The following ERICH2 variants were observed in gnomAD, a reference collection of about 807,000 sequenced individuals.
ERICH2 encodes glutamate rich 2.
In ERICH2, 17 loss-of-function variants were observed where a neutral mutation model predicts 17.4. That is an observed-to-expected ratio of 0.98 (90% CI 0.67 to 1.47). The LOEUF (loss-of-function observed/expected upper bound fraction) is 1.47, where lower values mean the gene tolerates loss of function less well. ERICH2 is among the 40% of genes most tolerant of loss of function. The probability of loss-of-function intolerance (pLI) is 0.00; values close to 1 mark genes in which losing one functional copy is unlikely to be tolerated. For missense variants in ERICH2, 186 were observed against 183.2 expected, an observed-to-expected ratio of 1.01 and a Z score of -0.09; for synonymous variants, 51 against 61.1, an observed-to-expected ratio of 0.83 and a Z score of 0.77.
the ERICH2 span, chr2:170,777,790 G>A: frequency 3.5e-6 from 2 of 572,790 alleles, no homozygotes; most frequent in African/African-American, 1.9e-5. Flanking sequence ...GGCCAGAAAT[G>A]CATGGATTAG....
At chr2:170,778,404 A>G in the ERICH2 span, among the ~76,000 whole-genome samples, 4 of 152,148 alleles carry the variant, frequency 2.6e-5, no homozygotes, top group African/African-American at 7.2e-5. Flanking sequence ...ATTCAAATTC[A>G]TACTGTTTTT....
Position 170,792,900 on chromosome 2 carries a change from C to CA in ERICH2, c.261dup (p.Leu88IlefsTer9), listed in dbSNP as rs765922748. 7.3e-6 allele frequency: 11 copies of CA among 1,508,146 alleles called. No individual in the cohort carries two copies. The highest frequency in any genetic ancestry group is 5.0e-5 in the East Asian group (2 of 40,032). 93.4% of individuals were successfully genotyped at this position (1,508,146 alleles called of 1,614,324 possible). Reference sequence around the variant, plus strand: ...GAAATGGCCCGAGAGTACCAGCTGGCAAAAAAATTATGTCAGATGAGTAAG... The same window carrying CA: ...GAAATGGCCCGAGAGTACCAGCTGGCAAAAAAAATTATGTCAGATGAGTAAG... On this transcript the variant is annotated frameshift_variant, in exon 3 of 5. Coordinates refer to ENST00000409885, the Ensembl canonical transcript of ERICH2. LOFTEE classifies it high-confidence loss of function.
At chr2:170,773,589 T>G in the ERICH2 span, among the ~76,000 whole-genome samples, 2 of 152,228 alleles carry the variant, frequency 1.3e-5, no homozygotes, top group African/African-American at 2.4e-5. Flanking sequence ...GACATACATA[T>G]AAGAAGTTAG....
intron 1 of ERICH2, chr2:170,783,985 T>C (rs1701086640): frequency 7.3e-7 from 1 of 1,371,102 alleles, no homozygotes; most frequent in Non-Finnish European, 1.0e-6. Flanking sequence ...TAGTTTTACC[T>C]TTTTTTGTTG....
At chr2:170,791,745 A>G (rs1269947652) in intron 2 of ERICH2, among the ~76,000 whole-genome samples, 3 of 151,632 alleles carry the variant, frequency 2.0e-5, no homozygotes. Context: ...AATAATTAGT[A>G]TGTGAATGAG....
At chr2:170,779,815 C>T (rs1434449676), upstream of ERICH2, 1 of 984,196 alleles carries the variant, frequency 1.0e-6, no homozygotes, top group South Asian at 4.7e-5. Context: ...TGGACGCAGA[C>T]CAAGATTGAC....
chr2:170,778,964 TG>T (rs1385724270), upstream of ERICH2, among the ~76,000 whole-genome samples: 2 of 152,174 alleles, frequency 1.3e-5, no homozygotes, highest in African/African-American at 2.4e-5. Context: ...CTTGTTCTCT[TG>T]ATCTCAGTCC....
chr2:170,773,394 C>T, the ERICH2 span, among the ~76,000 whole-genome samples: 2 of 152,202 alleles, frequency 1.3e-5, no homozygotes, highest in African/African-American at 2.4e-5. Context: ...GCAATTTCAC[C>T]TCTGTCCTTC....
intron 3 of ERICH2, among the ~76,000 whole-genome samples, chr2:170,795,587 T>A (rs552091455): frequency 6.6e-6 from 1 of 152,286 alleles, no homozygotes; most frequent in South Asian, 2.1e-4. Flanking sequence ...GGCTCAAGGA[T>A]CCTTCCACCT....
At chr2:170,777,666 C>T in the ERICH2 span, 557 of 1,233,762 alleles carry the variant, frequency 4.5e-4, 1 homozygote, top group Non-Finnish European at 5.4e-4. Flanking sequence ...TTGAATCAAA[C>T]GAAGCAATGT....
chr2:170,789,808 G>C (rs563118279), intron 2 of ERICH2, among the ~76,000 whole-genome samples: 7 of 152,214 alleles, frequency 4.6e-5, no homozygotes, highest in African/African-American at 7.2e-5. Context: ...CTACATATTA[G>C]ATAATATTAA....
chr2:170,791,541 T>A (rs1403621195), intron 2 of ERICH2, among the ~76,000 whole-genome samples: 1 of 11,384 alleles, frequency 8.8e-5, no homozygotes, highest in Non-Finnish European at 4.0e-4. Context: ...AAAAAAAAAA[T>A]TAGCCGGGCG....
chr2:170,779,606 T>G (rs554116698), upstream of ERICH2, among the ~76,000 whole-genome samples: 2 of 152,216 alleles, frequency 1.3e-5, no homozygotes, highest in African/African-American at 2.4e-5. Context: ...CTTACTGGAT[T>G]TTTTGGTCAA....
chr2:170,798,400 C>G (rs1305550881), intron 4 of ERICH2, among the ~76,000 whole-genome samples: 1 of 152,102 alleles, frequency 6.6e-6, no homozygotes. Flanking sequence ...AAGGAATTAC[C>G]CACAATTCCA....
the ERICH2 span, among the ~76,000 whole-genome samples, chr2:170,774,008 C>T: frequency 1.3e-5 from 2 of 152,162 alleles, no homozygotes; most frequent in African/African-American, 4.8e-5. Flanking sequence ...AGGTGTGAGC[C>T]ACGACACCTG....
chr2:170,786,922 T>G (rs1701172749), intron 2 of ERICH2, among the ~76,000 whole-genome samples: 1 of 152,246 alleles, frequency 6.6e-6, no homozygotes, highest in Admixed American at 6.5e-5. Flanking sequence ...ATAGCTGTTT[T>G]AACATGCCTG....
Position 170,798,092 on chromosome 2 carries a change from T to C in ERICH2, c.326T>C (p.Ile109Thr). The change falls in exon 4 of 5, where the codon ATT becomes ACT. Residue 109 changes from isoleucine to threonine, a missense_variant. Transcript: ENST00000409885. ...GAGGCCAAGGAGTTTTTCACACTTATTGAAGAAATGTTGCTGATGGGTAAT... is the reference window on the plus strand; with the variant it reads ...GAGGCCAAGGAGTTTTTCACACTTACTGAAGAAATGTTGCTGATGGGTAAT... 1.9e-6 allele frequency: 3 copies of C among 1,547,996 alleles called. No individual in the cohort carries two copies. The South Asian group carries it at 3.6e-5, about 18-fold the overall frequency.
At position 170,791,546 on chromosome 2, in the gene ERICH2, C is replaced by T. The variant is rs1337238447; in HGVS notation, c.217-1317C>T. ...CTCTACTAAAAAAAAAAAAATTAGCCGGGCGTGGTGGCAGGCGCCTGTAGT... is the reference window on the plus strand; with the variant it reads ...CTCTACTAAAAAAAAAAAAATTAGCTGGGCGTGGTGGCAGGCGCCTGTAGT... On this transcript the variant is annotated intron_variant, in intron 2 of 4. Coordinates refer to ENST00000409885, the Ensembl canonical transcript of ERICH2. Among the ~76,000 whole-genome samples, 4 of 19,420 alleles carry T rather than the reference C, an allele frequency of 2.1e-4. No homozygotes were observed. The East Asian group carries it at 8.2e-3, about 40-fold the overall frequency. 12.7% of individuals were successfully genotyped at this position (19,420 alleles called of 152,430 possible). A position where few individuals can be genotyped will look rare whatever the true frequency, so the allele number is the denominator to read the frequency against.
upstream of ERICH2, among the ~76,000 whole-genome samples, chr2:170,780,396 G>A (rs1378232202): frequency 2.0e-5 from 3 of 152,158 alleles, no homozygotes; most frequent in Non-Finnish European, 4.4e-5. Flanking sequence ...AGCCATTTAT[G>A]TCTTACTGTT....
Sources: gnomAD v4.1 joint callset for allele counts (sites outside exome capture counted in the v4.1 genomes callset) on GRCh38, gnomAD v4.1.1 for gene constraint, MANE v1.5 for transcripts, NCBI Gene and HGNC (gene_info 2026-07-23, HGNC 2026-07-21) for gene names.